AFTPH: variants seen among roughly 807,000 people sequenced by gnomAD.
AFTPH encodes aftiphilin.
AFTPH carries 7 observed loss-of-function variants against 72.5 expected under a neutral mutation model. That is an observed-to-expected ratio of 0.10 (90% confidence interval 0.05 to 0.18). The LOEUF (loss-of-function observed/expected upper bound fraction) is 0.18. Among genes scored for constraint, AFTPH ranks in the 10% least tolerant of loss-of-function variants. AFTPH has a pLI of 1.00. For synonymous variants in AFTPH, 337 were observed against 370.1 expected, an observed-to-expected ratio of 0.91 and a Z score of 1.03; for missense variants, 979 against 1,060.5, an observed-to-expected ratio of 0.92 and a Z score of 1.07.
intron 2 of AFTPH, among the ~76,000 whole-genome samples, chr2:64,559,672 C>T (rs149485759): frequency 6.6e-6 from 1 of 152,236 alleles, no homozygotes; most frequent in East Asian, 1.9e-4. Flanking sequence ...TAGAAACACC[C>T]TCACAGGTAC....
At chr2:64,579,339 G>C (rs970777781) in intron 6 of AFTPH, 147 bp from the exon 7 acceptor site, 1 of 526,424 alleles carries the variant, frequency 1.9e-6, no homozygotes, top group African/African-American at 1.9e-5. Context: ...ATATTTGCAG[G>C]TAACCTTCTG....
Position 64,553,337 on chromosome 2 carries a change from C to G in AFTPH, c.1863C>G (p.His621Gln), listed in dbSNP as rs569518242. 1.6e-4 allele frequency: 264 copies of G among 1,613,588 alleles called. 1 individual carries two copies. In the South Asian group the frequency reaches 2.8e-3, roughly 17 times the overall value. ...ATACTCCAGGAACCCCCAAAACGCA[C>G]AGTGTACCTTCAGCAACTTCCAAAG... is the stretch of plus-strand genomic sequence containing the variant. Residue 621 changes from histidine to glutamine, a missense_variant, in exon 2 of 9, where the codon CAC becomes CAG. Physicochemically the swap from His to Gln is conservative, Grantham distance 24. Around this residue, in one of 3 missense-constraint regions of AFTPH, gnomAD observed 438 missense variants for 530.0 expected, o/e 0.83. Coordinates refer to ENST00000238856, the Ensembl canonical transcript of AFTPH.
At chr2:64,548,100 C>G (rs1670763407) in intron 1 of AFTPH, among the ~76,000 whole-genome samples, 2 of 141,044 alleles carry the variant, frequency 1.4e-5, no homozygotes, top group African/African-American at 5.0e-5. Flanking sequence ...TGCTTTTAAA[C>G]TTTAGAAAAA....
At chr2:64,572,053 TA>T (rs370589405) in intron 5 of AFTPH, among the ~76,000 whole-genome samples, 22 of 151,016 alleles carry the variant, frequency 1.5e-4, no homozygotes, top group African/African-American at 5.4e-4. Flanking sequence ...CCATCTCTAC[TA>T]AAAAAAATAC....
intron 2 of AFTPH, among the ~76,000 whole-genome samples, chr2:64,565,485 A>AAAG (rs1553401871): frequency 6.6e-6 from 1 of 151,668 alleles, no homozygotes; most frequent in African/African-American, 2.4e-5. Flanking sequence ...AAAAAAAAAA[A>AAAG]AAAAAAAAGC....
exon 2 of AFTPH, chr2:64,552,516 A>T: frequency 6.2e-7 from 1 of 1,614,210 alleles, no homozygotes; most frequent in Non-Finnish European, 8.5e-7. Flanking sequence ...AGAAGCCATT[A>T]GGAGAGAACA....
intron 2 of AFTPH, among the ~76,000 whole-genome samples, chr2:64,563,255 TA>T (rs1372551790): frequency 6.6e-6 from 1 of 152,228 alleles, no homozygotes; most frequent in Admixed American, 6.5e-5. Context: ...TTGCATATGT[TA>T]AACTATCCTT....
chr2:64,537,798 T>A (rs563322936), intron 1 of AFTPH, among the ~76,000 whole-genome samples: 6 of 152,342 alleles, frequency 3.9e-5, no homozygotes, highest in African/African-American at 1.4e-4. Flanking sequence ...AAGAACACTT[T>A]CATTTTATCA....
chr2:64,576,116 CACGT>C (rs1305823246), intron 6 of AFTPH, among the ~76,000 whole-genome samples: 13 of 111,236 alleles, frequency 1.2e-4, no homozygotes, highest in African/African-American at 5.8e-4. Context: ...CACACACACA[CACGT>C]GTGTCATACA....
In AFTPH at chr2:64,565,119, G is replaced by A. The variant is rs565827943; in HGVS notation, c.1936-2443G>A. Reference sequence around the variant, plus strand: ...TTCCCAAAGTGCTGGGATTACAGGCGTGAGACACTGCACCTGGCTGGAAAT... The same window carrying A: ...TTCCCAAAGTGCTGGGATTACAGGCATGAGACACTGCACCTGGCTGGAAAT... On this transcript the variant is annotated intron_variant, in intron 2 of 8. Coordinates refer to ENST00000238856, the Ensembl canonical transcript of AFTPH. Among the ~76,000 whole-genome samples the A allele has an allele frequency of 1.8e-4, 28 of 152,052 alleles. 1 individual carries two copies. The highest frequency in any genetic ancestry group is 1.5e-3 in the Admixed American group (23 of 15,286).
At chr2:64,581,404 T>A (rs1673188498) in intron 7 of AFTPH, 131 bp downstream of exon 8, 1 of 702,568 alleles carries the variant, frequency 1.4e-6, no homozygotes, top group African/African-American at 1.9e-5. Flanking sequence ...TTTTCTTTCA[T>A]CTGTTGTTAT....
chr2:64,555,567 A>T (rs899036383), intron 2 of AFTPH, among the ~76,000 whole-genome samples: 2 of 150,514 alleles, frequency 1.3e-5, no homozygotes, highest in African/African-American at 4.9e-5. Context: ...ACACACACAC[A>T]CACACACACA....
chr2:64,527,409 C>T (rs1669341088), intron 1 of AFTPH, among the ~76,000 whole-genome samples: 3 of 152,034 alleles, frequency 2.0e-5, no homozygotes, highest in Admixed American at 1.3e-4. Flanking sequence ...GGAGAAACCC[C>T]GTCTCTACTG....
At chr2:64,560,989 C>T (rs760682779) in intron 2 of AFTPH, among the ~76,000 whole-genome samples, 24 of 152,226 alleles carry the variant, frequency 1.6e-4, no homozygotes, top group Middle Eastern at 3.2e-3. Context: ...AGAGCGAAAG[C>T]TCCTGCTTTG....
chr2:64,552,026 T>C, exon 2 of AFTPH: 1 of 1,613,872 alleles, frequency 6.2e-7, no homozygotes, highest in Middle Eastern at 1.6e-4. Context: ...TTCTAACAAA[T>C]GGGTTTGCAG....
At chr2:64,566,773 T>TA (rs1672114959) in intron 2 of AFTPH, among the ~76,000 whole-genome samples, 5 of 145,268 alleles carry the variant, frequency 3.4e-5, no homozygotes, top group South Asian at 4.2e-4. Context: ...TAAAAATACT[T>TA]TAAAAAAAAA....
chr2:64,589,344 A>G (rs1673688768), intron 8 of AFTPH, among the ~76,000 whole-genome samples: 1 of 152,232 alleles, frequency 6.6e-6, no homozygotes, highest in Non-Finnish European at 1.5e-5. Flanking sequence ...CAAAAATTAA[A>G]AAACAATTGA....
At chr2:64,544,711 T>C (rs1466849822) in intron 1 of AFTPH, among the ~76,000 whole-genome samples, 2 of 146,974 alleles carry the variant, frequency 1.4e-5, no homozygotes, top group Non-Finnish European at 1.5e-5. Context: ...ACATGAAACT[T>C]CTTTTAAGTA....
intron 7 of AFTPH, among the ~76,000 whole-genome samples, chr2:64,583,830 G>A (rs771022945): frequency 5.9e-5 from 9 of 152,076 alleles, no homozygotes; most frequent in Non-Finnish European, 1.3e-4. Context: ...GTTAGACTTC[G>A]TAACTGTGGA....
Sources: allele counts gnomAD v4.1 joint callset (sites outside exome capture counted in the v4.1 genomes callset), GRCh38; gene constraint gnomAD v4.1.1; regional missense constraint gnomAD v4.1.1; transcripts MANE v1.5; gene names NCBI Gene and HGNC (gene_info 2026-07-23, HGNC 2026-07-21).